Variants in AGO2 observed in about 807,000 individuals in gnomAD.
AGO2 encodes the protein argonaute RISC catalytic component 2.
A neutral mutation model predicts 102.3 loss-of-function variants in AGO2; 5 were observed. That is an observed-to-expected ratio of 0.05 (90% CI 0.03 to 0.10). AGO2 has a LOEUF of 0.10. Ranked by LOEUF, AGO2 falls within the 10% of genes least tolerant of loss-of-function variation. AGO2 has a pLI of 1.00. For missense variants in AGO2, 541 were observed against 1,183.7 expected (o/e 0.46, Z 7.97); for synonymous variants, 449 against 473.1 (o/e 0.95, Z 0.66).
At chr8:140,558,708 G>T in intron 6 of AGO2, 136 bp from the exon 7 acceptor site, 2 of 898,436 alleles carry the variant, frequency 2.2e-6, no homozygotes, top group South Asian at 1.6e-5. Context: ...CCCTAGGGAG[G>T]GTGACCCACA....
Position 140,526,422 on chromosome 8 carries a change from C to T in AGO2, c.*5622G>A, listed in dbSNP as rs2072507497. 6.6e-6 allele frequency: 1 copy of T among 152,164 alleles called. No individual in the cohort carries two copies. Among genetic ancestry groups the T allele is most frequent in the Admixed American group, 6.5e-5 (1 of 15,276 alleles). 9.4% of individuals were successfully genotyped at this position (152,164 alleles called of 1,614,324 possible). ...TGCCATTCGTGCCGGCCGTAGAATCCTAGAATCTCAAAGCTGCGCAGAACA... is the reference window on the plus strand; with the variant it reads ...TGCCATTCGTGCCGGCCGTAGAATCTTAGAATCTCAAAGCTGCGCAGAACA... On this transcript the variant is annotated 3_prime_UTR_variant, in exon 19 of 19. Transcript: ENST00000220592. The surrounding 1 kb of genome is among the most constrained non-coding windows in gnomAD (Gnocchi z 5.2).
At chr8:140,582,850 A>G (rs1447181801) in intron 2 of AGO2, among the ~76,000 whole-genome samples, 2 of 152,250 alleles carry the variant, frequency 1.3e-5, no homozygotes, top group East Asian at 3.8e-4. Context: ...TGAGATGACA[A>G]ACTTTGGACT....
chr8:140,562,335 G>A, intron 4 of AGO2, 118 bp downstream of exon 4: 3 of 1,266,230 alleles, frequency 2.4e-6, no homozygotes, highest in Non-Finnish European at 3.2e-6. Context: ...AAACCCACGT[G>A]ACCACTCCCA....
Position 140,557,215 on chromosome 8 carries a change from G to A in AGO2, c.900C>T (p.Ser300=), listed in dbSNP as rs1204178115. ...SHQTFPLQQE[S]GQTVECTVAQ... is the part of the protein sequence containing the mutation. The stretch of plus-strand genomic sequence containing the variant: ...CCACCGTGCACTCCACCGTCTGCCC[G>A]CTCTCCTGCTGCAGCGGGAATCTGA... Residue 300 remains serine, a synonymous_variant, in exon 8 of 19, where the codon AGC becomes AGT. Coordinates refer to ENST00000220592, the MANE Select transcript of AGO2 (RefSeq NM_012154.5). This position sits in a 1 kb window ranked among gnomAD's most constrained non-coding sequence, Gnocchi z 5.9. The A allele has an allele frequency of 1.2e-5, 20 of 1,613,418 alleles. No individual in the cohort carries two copies. The Middle Eastern group carries it at 1.2e-3, about 93-fold the overall frequency.
upstream of AGO2, among the ~76,000 whole-genome samples, chr8:140,640,322 TTTTG>T (rs1438373895): frequency 2.0e-5 from 3 of 151,992 alleles, no homozygotes; most frequent in Non-Finnish European, 2.9e-5. Flanking sequence ...ACTGCATTCT[TTTTG>T]TTTGTTTTAT....
At chr8:140,640,444 C>A (rs2074433673), upstream of AGO2, among the ~76,000 whole-genome samples, 1 of 152,000 alleles carries the variant, frequency 6.6e-6, no homozygotes, top group Admixed American at 6.6e-5. Flanking sequence ...GAATCTAGTT[C>A]CTCTTCAAAG....
chr8:140,595,947 T>TATGTATATAAA (rs2073833778), intron 1 of AGO2, among the ~76,000 whole-genome samples: 1 of 32,282 alleles, frequency 3.1e-5, no homozygotes, highest in Non-Finnish European at 7.2e-5. Context: ...TAATATATAT[T>TATGTATATAAA]TTATATATAA....
intron 13 of AGO2, among the ~76,000 whole-genome samples, chr8:140,545,635 C>G (rs1049005171): frequency 1.3e-5 from 2 of 152,228 alleles, no homozygotes; most frequent in Non-Finnish European, 2.9e-5. Context: ...ACCCTCCCAA[C>G]AGCCTCCCCG....
In AGO2 at chr8:140,560,469, C is replaced by G. The variant is rs1435463650; in HGVS notation, c.560G>C (p.Gly187Ala). Residue 187 changes from glycine (G) to alanine (A), a missense_variant, in exon 5 of 19, where the codon GGC (glycine) becomes GCC (alanine). Gly to Ala is a moderately conservative substitution (Grantham distance 60). Around this residue, in one of 6 missense-constraint regions of AGO2, gnomAD observed 26 missense variants for 52.0 expected, o/e 0.50. Transcript: ENST00000220592. ...GCCCCCGCCAAGAGGGTTAGAGCAG[C>G]CTTCGGACGCGGTGAAGAAGGAGCG... ...VGRSFFTASE[G>A]CSNPLGGGRE... 1.6e-5 allele frequency: 26 copies of G among 1,614,112 alleles called. No homozygotes were observed. The highest frequency in any genetic ancestry group is 2.1e-5 in the Non-Finnish European group (25 of 1,180,040).
At chr8:140,615,172 G>A (rs2152103544) in intron 1 of AGO2, among the ~76,000 whole-genome samples, 1 of 152,276 alleles carries the variant, frequency 6.6e-6, no homozygotes. Flanking sequence ...GATCCCTTGT[G>A]CCCAGGAAGT....
intron 10 of AGO2, 84 bp from the exon 11 acceptor site, chr8:140,551,520 T>C (rs2072995572): frequency 5.2e-6 from 7 of 1,357,784 alleles, no homozygotes; most frequent in Non-Finnish European, 6.7e-6. Flanking sequence ...TCACTGTTGG[T>C]CCCCCTGACC....
chr8:140,557,137 T>A lies in AGO2; in HGVS notation c.978A>T (p.Pro326=). The change falls in exon 8 of 19, where the codon CCA becomes CCT. Residue 326 remains proline, a synonymous_variant. Transcript: ENST00000220592. This position sits in a 1 kb window ranked among gnomAD's most constrained non-coding sequence, Gnocchi z 5.9. ...HKLVLRYPHL[P]CLQVGQEQKH... is the part of the protein sequence containing the mutation. ...TCTGCTCCTGTCCGACTTGTAAACA[T>A]GGGAGGTGGGGGTAGCGCAGAACCA... is the stretch of plus-strand genomic sequence containing the variant. 1 of 1,613,892 alleles carries A rather than the reference T, an allele frequency of 6.2e-7. No individual in the cohort carries two copies.
intron 17 of AGO2, among the ~76,000 whole-genome samples, chr8:140,533,000 C>CAAA (rs35812545): frequency 8.0e-5 from 9 of 111,934 alleles, no homozygotes; most frequent in African/African-American, 2.7e-4. Flanking sequence ...TCCTCTGTCT[C>CAAA]AAAAAAAAAA....
intron 1 of AGO2, among the ~76,000 whole-genome samples, chr8:140,606,130 TAATTA>T (rs1267300550): frequency 6.6e-6 from 1 of 152,224 alleles, no homozygotes; most frequent in African/African-American, 2.4e-5. Flanking sequence ...ATTTTTTCCA[TAATTA>T]AATATGCCAA....
At chr8:140,568,257 C>T (rs906107238) in intron 3 of AGO2, among the ~76,000 whole-genome samples, 8 of 146,386 alleles carry the variant, frequency 5.5e-5, no homozygotes, top group African/African-American at 2.1e-4. Context: ...GCACTCTAGC[C>T]TGGGTGACAG....
intron 8 of AGO2, 67 bp from the exon 9 acceptor site, chr8:140,556,353 G>A: frequency 1.1e-5 from 17 of 1,588,524 alleles, no homozygotes; most frequent in Non-Finnish European, 1.4e-5. Flanking sequence ...CAGGCAGGGG[G>A]CTCAGGGGCT....
the AGO2 span, among the ~76,000 whole-genome samples, chr8:140,641,651 T>G: frequency 7.9e-5 from 12 of 152,364 alleles, no homozygotes; most frequent in Admixed American, 7.2e-4. Context: ...TGGCATGATC[T>G]TGGCTCACTG....
Position 140,635,477 on chromosome 8 carries a change from G to A in AGO2, c.22+8C>T. 1 of 980,392 alleles carries A rather than the reference G, an allele frequency of 1.0e-6. No individual in the cohort carries two copies. The highest frequency in any genetic ancestry group is 1.2e-6 in the Non-Finnish European group (1 of 827,904). 60.7% of individuals were successfully genotyped at this position (980,392 alleles called of 1,614,324 possible). A position where few individuals can be genotyped will look rare whatever the true frequency, so the allele number is the denominator to read the frequency against. On this transcript the variant is annotated splice_region_variant and intron_variant, in intron 1 of 18. Transcript: ENST00000220592. The stretch of plus-strand genomic sequence containing the variant: ...GGCCGGGCGGGCGCCCCGAGCGCCA[G>A]GACTCACCGGGGCCGGCTCCCGAGT...
At chr8:140,550,674 T>C (rs1460767074) in intron 11 of AGO2, among the ~76,000 whole-genome samples, 1 of 152,196 alleles carries the variant, frequency 6.6e-6, no homozygotes, top group Non-Finnish European at 1.5e-5. Context: ...TGGAGTGCAA[T>C]GGTGTGATCT....
Sources: gnomAD v4.1 joint callset for allele counts (sites outside exome capture counted in the v4.1 genomes callset) on GRCh38, gnomAD v4.1.1 for gene constraint, gnomAD v4.1.1 regional missense constraint, Gnocchi (gnomAD v3.1) non-coding constraint, MANE v1.5 for transcripts, NCBI Gene and HGNC (gene_info 2026-07-23, HGNC 2026-07-21) for gene names.